The following CTNNA3 variants were observed in gnomAD, a reference collection of about 807,000 sequenced individuals.
CTNNA3 encodes catenin alpha 3.
A neutral mutation model predicts 95.7 loss-of-function variants in CTNNA3; 76 were observed. The observed-to-expected ratio is 0.79, with a 90% CI of 0.66 to 0.96. The LOEUF (loss-of-function observed/expected upper bound fraction) is 0.96. Among genes scored for constraint, CTNNA3 ranks in the 40% least tolerant of loss-of-function variants. CTNNA3 has a pLI of 0.00. For missense variants in CTNNA3, 1,191 were observed against 1,089.8 expected (o/e 1.09, Z -1.31); for synonymous variants, 431 against 374.4 (o/e 1.15, Z -1.74).
chr10:67,288,868 G>A (rs954199493), intron 5 of CTNNA3, among the ~76,000 whole-genome samples: 10 of 152,110 alleles, frequency 6.6e-5, no homozygotes, highest in Non-Finnish European at 1.5e-4. Context: ...AAAGGCCAGG[G>A]CAGGAGGATT....
At chr10:67,495,002 A>C (rs1485976478) in intron 5 of CTNNA3, among the ~76,000 whole-genome samples, 1 of 152,184 alleles carries the variant, frequency 6.6e-6, no homozygotes, top group Non-Finnish European at 1.5e-5. Flanking sequence ...TTTGAGACAT[A>C]ATTCTACTAG....
intron 5 of CTNNA3, among the ~76,000 whole-genome samples, chr10:67,457,001 G>C (rs1847198047): frequency 6.6e-6 from 1 of 152,090 alleles, no homozygotes; most frequent in Non-Finnish European, 1.5e-5. Context: ...AAAGAAAATG[G>C]AAAGTAAGCA....
intron 11 of CTNNA3, among the ~76,000 whole-genome samples, chr10:66,443,125 GC>G (rs1253470473): frequency 2.0e-5 from 3 of 152,168 alleles, no homozygotes; most frequent in African/African-American, 7.2e-5. Context: ...GCCTGTCATT[GC>G]CCAGGCTTGA....
At chr10:66,614,315 A>G (rs1374751343) in intron 10 of CTNNA3, among the ~76,000 whole-genome samples, 1 of 152,096 alleles carries the variant, frequency 6.6e-6, no homozygotes, top group Non-Finnish European at 1.5e-5. Context: ...AATGAATATA[A>G]TCTGAAAAAG....
intron 7 of CTNNA3, among the ~76,000 whole-genome samples, chr10:66,919,781 T>C (rs1846690491): frequency 6.6e-6 from 1 of 152,144 alleles, no homozygotes; most frequent in Admixed American, 6.6e-5. Context: ...GATCTGGATA[T>C]AATTACAAAT....
intron 7 of CTNNA3, among the ~76,000 whole-genome samples, chr10:66,942,237 A>G (rs1009047194): frequency 2.0e-5 from 3 of 152,204 alleles, no homozygotes; most frequent in African/African-American, 4.8e-5. Flanking sequence ...AAATTCTCAC[A>G]TTAAACACAT....
chr10:66,067,127 C>T (rs1052099746), intron 15 of CTNNA3, among the ~76,000 whole-genome samples: 21 of 152,142 alleles, frequency 1.4e-4, no homozygotes, highest in African/African-American at 5.1e-4. Context: ...ATACTAGAAT[C>T]CTTCTCCAAG....
At chr10:65,959,340 C>T (rs550256417) in intron 17 of CTNNA3, among the ~76,000 whole-genome samples, 1 of 152,322 alleles carries the variant, frequency 6.6e-6, no homozygotes, top group Admixed American at 6.5e-5. Flanking sequence ...CTTGTGCTTC[C>T]TGGGTGAGGC....
intron 12 of CTNNA3, among the ~76,000 whole-genome samples, chr10:66,300,576 G>A (rs1156857655): frequency 2.6e-5 from 4 of 151,666 alleles, no homozygotes; most frequent in Non-Finnish European, 4.4e-5. Flanking sequence ...ACTAGATGAT[G>A]AGAAAGATAC....
At chr10:67,161,402 G>A (rs892516858) in intron 7 of CTNNA3, among the ~76,000 whole-genome samples, 2 of 151,582 alleles carry the variant, frequency 1.3e-5, no homozygotes, top group Non-Finnish European at 2.9e-5. Flanking sequence ...TAATAAATGA[G>A]TGAGATAAAA....
At chr10:67,725,965 AT>A (rs1281274923) in intron 1 of CTNNA3, among the ~76,000 whole-genome samples, 11 of 139,758 alleles carry the variant, frequency 7.9e-5, no homozygotes, top group African/African-American at 2.7e-4. Context: ...TATATAATAT[AT>A]ATGTAATATA....
intron 17 of CTNNA3, among the ~76,000 whole-genome samples, chr10:65,930,529 A>G (rs1187734431): frequency 4.6e-5 from 7 of 152,218 alleles, no homozygotes; most frequent in Admixed American, 3.9e-4. Flanking sequence ...AAAAGTAACC[A>G]TGACTAGCAA....
chr10:66,228,908 T>C (rs1448117374), intron 13 of CTNNA3, among the ~76,000 whole-genome samples: 1 of 152,286 alleles, frequency 6.6e-6, no homozygotes, highest in East Asian at 1.9e-4. Flanking sequence ...TCTCTTTTAA[T>C]GTTTTTTGAC....
At chr10:67,604,084 G>A (rs957600672) in intron 3 of CTNNA3, among the ~76,000 whole-genome samples, 1 of 152,146 alleles carries the variant, frequency 6.6e-6, no homozygotes, top group South Asian at 2.1e-4. Context: ...CATGCTGTAC[G>A]AGTTTGTAGC....
intron 1 of CTNNA3, among the ~76,000 whole-genome samples, chr10:67,746,850 G>T (rs2131744675): frequency 6.6e-6 from 1 of 152,320 alleles, no homozygotes; most frequent in East Asian, 1.9e-4. Context: ...TGCCTAAAAT[G>T]ACTAAACTCT....
chr10:67,687,960 T>G (rs1840766015), intron 1 of CTNNA3, among the ~76,000 whole-genome samples: 1 of 152,142 alleles, frequency 6.6e-6, no homozygotes, highest in Non-Finnish European at 1.5e-5. Context: ...AGTAGGGAAT[T>G]TGCCCCTTTC....
chr10:67,097,631 G>A, intron 7 of CTNNA3: 5 of 1,612,308 alleles, frequency 3.1e-6, no homozygotes, highest in Non-Finnish European at 4.2e-6. Context: ...CATACGACCA[G>A]CCCACAATAA....
At chr10:66,770,402 T>C (rs4506528) in intron 8 of CTNNA3, among the ~76,000 whole-genome samples, 129,325 of 152,136 alleles carry the variant, frequency 0.85, 55,261 homozygotes, top group East Asian at 1. Context: ...TATGCCAATA[T>C]AGAAATGGAA....
chr10:66,922,899 A>G (rs1846863859), intron 7 of CTNNA3, among the ~76,000 whole-genome samples: 1 of 152,164 alleles, frequency 6.6e-6, no homozygotes, highest in Admixed American at 6.6e-5. Context: ...ATGTGTAATA[A>G]TCACATAAGG....
Sources: gnomAD v4.1 joint callset for allele counts (sites outside exome capture counted in the v4.1 genomes callset) on GRCh38, gnomAD v4.1.1 for gene constraint, MANE v1.5 for transcripts, NCBI Gene and HGNC (gene_info 2026-07-23, HGNC 2026-07-21) for gene names.